ZSWIM6: variants seen among roughly 807,000 people sequenced by gnomAD.
The protein encoded by ZSWIM6 is zinc finger SWIM-type containing 6.
A neutral mutation model predicts 113.2 loss-of-function variants in ZSWIM6; 9 were observed. The observed-to-expected ratio is 0.08, with a 90% CI of 0.05 to 0.14. The LOEUF (loss-of-function observed/expected upper bound fraction) is 0.14. Among genes scored for constraint, ZSWIM6 ranks in the 10% least tolerant of loss-of-function variants. ZSWIM6 has a pLI of 1.00. For missense variants in ZSWIM6, 1,162 were observed against 1,552.2 expected, an observed-to-expected ratio of 0.75 and a Z score of 4.22; for synonymous variants, 611 against 606.5, an observed-to-expected ratio of 1.01 and a Z score of -0.11.
At chr5:61,410,166 A>C (rs1746124657) in intron 1 of ZSWIM6, among the ~76,000 whole-genome samples, 1 of 152,144 alleles carries the variant, frequency 6.6e-6, no homozygotes, top group Admixed American at 6.5e-5. Context: ...AAAACTACGA[A>C]AACTCAGGAC....
chr5:61,492,639 G>GT (rs1358718756), intron 3 of ZSWIM6, among the ~76,000 whole-genome samples: 1 of 152,066 alleles, frequency 6.6e-6, no homozygotes, highest in Non-Finnish European at 1.5e-5. Context: ...ATCTTCACCT[G>GT]TTAATGAGTT....
At chr5:61,542,988 T>C (rs1390745547) in intron 13 of ZSWIM6, among the ~76,000 whole-genome samples, 1 of 152,240 alleles carries the variant, frequency 6.6e-6, no homozygotes, top group African/African-American at 2.4e-5. Flanking sequence ...GACTTTGTTC[T>C]CTTGATTATG....
intron 1 of ZSWIM6, among the ~76,000 whole-genome samples, chr5:61,356,829 T>C (rs901705358): frequency 7.0e-6 from 1 of 143,862 alleles, no homozygotes; most frequent in East Asian, 2.0e-4. Flanking sequence ...AAAAAATATA[T>C]ATTTTATATA....
At chr5:61,525,667 C>A in intron 5 of ZSWIM6, 133 bp from the exon 6 acceptor site, 1 of 1,020,848 alleles carries the variant, frequency 9.8e-7, no homozygotes, top group South Asian at 1.6e-5. Context: ...ATTCACCCTT[C>A]ACCCTTCTGC....
intron 1 of ZSWIM6, among the ~76,000 whole-genome samples, chr5:61,334,764 G>C (rs1192857432): frequency 6.6e-6 from 1 of 151,982 alleles, no homozygotes; most frequent in East Asian, 1.9e-4. Context: ...ATTCTTCCTA[G>C]TTATACCTTT....
In ZSWIM6 at chr5:61,543,646, C is replaced by G; in HGVS notation, c.2977C>G (p.Gln993Glu). 1 of 1,551,784 alleles carries G rather than the reference C, an allele frequency of 6.4e-7. No individual in the cohort carries two copies. Reference protein sequence around the residue: ...LALQCAMKDPQNCALSALTLC... With the variant: ...LALQCAMKDPENCALSALTLC... ...ACTGCAGTGTGCCATGAAGGATCCA[C>G]AGAACTGTGCCCTCTCTGCGCTAAC... Residue 993 changes from glutamine to glutamate, a missense_variant, in exon 14 of 14, where the codon CAG becomes GAG. Coordinates refer to ENST00000252744, the MANE Select transcript of ZSWIM6 (RefSeq NM_020928.2). This position sits in a 1 kb window ranked among gnomAD's most constrained non-coding sequence, Gnocchi z 4.3.
chr5:61,432,797 T>C (rs1746615209), intron 1 of ZSWIM6, among the ~76,000 whole-genome samples: 1 of 152,222 alleles, frequency 6.6e-6, no homozygotes, highest in South Asian at 2.1e-4. Flanking sequence ...GGGTTTTTCA[T>C]TGGGTTCTCA....
chr5:61,456,195 C>T (rs1194014764), intron 1 of ZSWIM6, among the ~76,000 whole-genome samples: 1 of 151,852 alleles, frequency 6.6e-6, no homozygotes, highest in Non-Finnish European at 1.5e-5. Context: ...ATATTGGAGG[C>T]CTTCTCAAAA....
intron 1 of ZSWIM6, among the ~76,000 whole-genome samples, chr5:61,470,497 A>G (rs757531265): frequency 6.6e-6 from 1 of 152,136 alleles, no homozygotes; most frequent in Non-Finnish European, 1.5e-5. Context: ...GACTGCCCTC[A>G]TTATTCTTCA....
At chr5:61,418,861 G>A (rs528054476) in intron 1 of ZSWIM6, among the ~76,000 whole-genome samples, 9 of 152,018 alleles carry the variant, frequency 5.9e-5, no homozygotes, top group East Asian at 1.9e-4. Context: ...TTGCCCTGTC[G>A]CCCAGGCTAG....
At chr5:61,398,671 T>G (rs1335206531) in intron 1 of ZSWIM6, among the ~76,000 whole-genome samples, 1 of 152,176 alleles carries the variant, frequency 6.6e-6, no homozygotes, top group Non-Finnish European at 1.5e-5. Context: ...AAAAAATGCA[T>G]AGCACAGTAT....
intron 1 of ZSWIM6, among the ~76,000 whole-genome samples, chr5:61,467,019 A>G (rs910417336): frequency 6.6e-6 from 1 of 152,162 alleles, no homozygotes. Flanking sequence ...GTGTTTCTCT[A>G]CTGAGTCTTT....
In ZSWIM6 at chr5:61,358,162, A is replaced by G. The variant is rs113996827; in HGVS notation, c.676+25214A>G. 6.6e-3 allele frequency among the ~76,000 whole-genome samples: 1,003 copies of G among 151,676 alleles called. 8 individuals are homozygous for G. Among genetic ancestry groups the G allele is most frequent in the African/African-American group, 0.021 (848 of 41,300 alleles). On this transcript the variant is annotated intron_variant, in intron 1 of 13. Coordinates refer to ENST00000252744, the MANE Select transcript of ZSWIM6 (RefSeq NM_020928.2). ...TCTTTTTCCTGTTCTTTTTGTTTCA[A>G]TTGTGATTATACATGGCTGATAAAA...
chr5:61,521,127 T>C (rs758863447), intron 4 of ZSWIM6, 136 bp from the exon 5 acceptor site: 1 of 413,536 alleles, frequency 2.4e-6, no homozygotes, highest in Non-Finnish European at 3.5e-6. Context: ...CTTGATAATT[T>C]AAAAAATTTA....
rs530717386 is a variant in ZSWIM6, at chr5:61,525,155, C to T, written c.1514-645C>T. On this transcript the variant is annotated intron_variant, in intron 5 of 13. Coordinates refer to ENST00000252744, the MANE Select transcript of ZSWIM6 (RefSeq NM_020928.2). ...GCAGCCTGTAGGGGCAAGGTAAGTG[C>T]GCTGGTTTGTTTTGTAGCTATGTTG... is the stretch of plus-strand genomic sequence containing the variant. Among the ~76,000 whole-genome samples the T allele has an allele frequency of 3.3e-5, 5 of 152,248 alleles. No individual in the cohort carries two copies. In the East Asian group the frequency reaches 5.8e-4, roughly 18 times the overall value.
intron 1 of ZSWIM6, among the ~76,000 whole-genome samples, chr5:61,390,428 A>G (rs1041973754): frequency 2.0e-5 from 3 of 152,228 alleles, no homozygotes; most frequent in East Asian, 3.8e-4. Context: ...ATTTGAATCT[A>G]TGACAGAAAT....
chr5:61,372,076 A>T (rs546494988), intron 1 of ZSWIM6, among the ~76,000 whole-genome samples: 1 of 150,456 alleles, frequency 6.6e-6, no homozygotes, highest in Non-Finnish European at 1.5e-5. Flanking sequence ...GATGGCTGAG[A>T]TTTCTCACTG....
intron 1 of ZSWIM6, among the ~76,000 whole-genome samples, chr5:61,433,568 G>A (rs1195515802): frequency 1.3e-5 from 2 of 151,930 alleles, no homozygotes; most frequent in African/African-American, 2.4e-5. Flanking sequence ...CGCCTCCTGG[G>A]TTCAAGCAAT....
intron 1 of ZSWIM6, among the ~76,000 whole-genome samples, chr5:61,387,988 T>C (rs369125532): frequency 2.6e-4 from 37 of 142,908 alleles, no homozygotes; most frequent in Non-Finnish European, 2.3e-4. Flanking sequence ...CTCTCTCTCT[T>C]TTTTTTTTTT....
Sources: allele counts gnomAD v4.1 joint callset (sites outside exome capture counted in the v4.1 genomes callset), GRCh38; gene constraint gnomAD v4.1.1; non-coding constraint Gnocchi (gnomAD v3.1); transcripts MANE v1.5; gene names NCBI Gene and HGNC (gene_info 2026-07-23, HGNC 2026-07-21).